The following ZFHX3 variants were observed in gnomAD, a reference collection of about 807,000 sequenced individuals.
ZFHX3 encodes the protein zinc finger homeobox 3, also known as zinc finger homeobox protein 3.
ZFHX3 carries 42 observed loss-of-function variants against 279.1 expected under a neutral mutation model. The ratio of observed to expected loss-of-function variants is 0.15; its 90% CI spans 0.12 to 0.19. The LOEUF (loss-of-function observed/expected upper bound fraction) is 0.19. ZFHX3 is among the 10% of genes least tolerant of loss of function. The pLI is 1.00. For synonymous variants in ZFHX3, 2,293 were observed against 1,957.8 expected (o/e 1.17, Z -4.52); for missense variants, 4,981 against 4,754.0 (o/e 1.05, Z -1.40).
At chr16:73,403,762 C>T (rs1340933760) in intron 3 of ZFHX3, among the ~76,000 whole-genome samples, 1 of 152,170 alleles carries the variant, frequency 6.6e-6, no homozygotes, top group African/African-American at 2.4e-5. Flanking sequence ...GGACAGTGAG[C>T]AGTGTTTGTC....
At chr16:73,545,883 A>G (rs887402564) in intron 2 of ZFHX3, among the ~76,000 whole-genome samples, 1 of 152,158 alleles carries the variant, frequency 6.6e-6, no homozygotes, top group Non-Finnish European at 1.5e-5. Flanking sequence ...ACAACAAGAT[A>G]TTGCAGGGGA....
In ZFHX3 at chr16:73,592,128, G is replaced by A. The variant is rs556188959; in HGVS notation, c.-1547+88052C>T. 3.3e-5 allele frequency among the ~76,000 whole-genome samples: 5 copies of A among 152,216 alleles called. 1 individual carries two copies. Among genetic ancestry groups the A allele is most frequent in the African/African-American group, 1.2e-4 (5 of 41,540 alleles). ...ATGCCTGTAATCCCAGCTACTGGGA[G>A]AGGCCAAGACAGGAGAACTGCTTGA... On this transcript the variant is annotated intron_variant, in intron 2 of 17. Transcript: ENST00000641206.
chr16:73,385,110 C>T (rs554717762), intron 3 of ZFHX3, among the ~76,000 whole-genome samples: 1 of 152,242 alleles, frequency 6.6e-6, no homozygotes, highest in East Asian at 1.9e-4. Context: ...GGGGACAGTT[C>T]CAAGCAACAC....
At chr16:72,865,661 G>A (rs1408584122) in intron 4 of ZFHX3, among the ~76,000 whole-genome samples, 9 of 152,116 alleles carry the variant, frequency 5.9e-5, no homozygotes, top group Non-Finnish European at 1.2e-4. Flanking sequence ...ACCTGTGACT[G>A]GCCAAAGAGG....
chr16:73,428,688 A>T (rs1169006889), intron 3 of ZFHX3, among the ~76,000 whole-genome samples: 5 of 152,070 alleles, frequency 3.3e-5, no homozygotes, highest in Non-Finnish European at 7.4e-5. Flanking sequence ...AGACAGACAG[A>T]GAGATAGAAT....
chr16:72,859,999 C>G (rs1265064448), intron 4 of ZFHX3, among the ~76,000 whole-genome samples: 1 of 152,196 alleles, frequency 6.6e-6, no homozygotes, highest in Non-Finnish European at 1.5e-5. Flanking sequence ...GCAGGCATCT[C>G]CGAAGGGGTG....
intron 4 of ZFHX3, chr16:73,294,037 C>A (rs998787314): frequency 1.4e-5 from 2 of 139,170 alleles, no homozygotes; most frequent in Admixed American, 1.5e-4. Flanking sequence ...TATTGAAACT[C>A]TGAAATATCT....
intron 1 of ZFHX3, among the ~76,000 whole-genome samples, chr16:73,835,011 G>A (rs371519032): frequency 3.9e-5 from 6 of 152,366 alleles, no homozygotes; most frequent in Admixed American, 2.6e-4. Flanking sequence ...TGAAGGAGGA[G>A]AGCGATGGAG....
intron 1 of ZFHX3, among the ~76,000 whole-genome samples, chr16:73,766,314 T>A (rs926216961): frequency 6.6e-6 from 1 of 152,182 alleles, no homozygotes; most frequent in Non-Finnish European, 1.5e-5. Context: ...TATTTTAACT[T>A]AAAATCTCTT....
chr16:72,988,855 T>G (rs887394781), intron 1 of ZFHX3, among the ~76,000 whole-genome samples: 3 of 152,210 alleles, frequency 2.0e-5, no homozygotes, highest in Admixed American at 2.0e-4. Flanking sequence ...GATGGCATCA[T>G]CTTGATGAGG....
intron 3 of ZFHX3, among the ~76,000 whole-genome samples, chr16:72,891,761 T>A (rs2038778213): frequency 6.6e-6 from 1 of 152,184 alleles, no homozygotes; most frequent in Admixed American, 6.5e-5. Flanking sequence ...TTACGTGTCC[T>A]TCCTTTTTTC....
rs1056048930 is a variant in ZFHX3, at chr16:72,783,180, G to T, written c.*3984C>A. The stretch of plus-strand genomic sequence containing the variant: ...TGGTTTCACTTGCTCTATTTTTTTT[G>T]TTGTTTTTTGTTTTTTTTTCTTTTT... On this transcript the variant is annotated 3_prime_UTR_variant, in exon 10 of 10. Transcript: ENST00000268489. The T allele has an allele frequency of 4.6e-5, 7 of 150,794 alleles. No individual in the cohort carries two copies. The highest frequency in any genetic ancestry group is 2.1e-4 in the South Asian group (1 of 4,780). 9.3% of individuals were successfully genotyped at this position (150,794 alleles called of 1,614,324 possible). A position where few individuals can be genotyped will look rare whatever the true frequency, so the allele number is the denominator to read the frequency against.
chr16:73,711,179 C>G (rs1448132818), intron 1 of ZFHX3, among the ~76,000 whole-genome samples: 2 of 152,132 alleles, frequency 1.3e-5, no homozygotes, highest in Non-Finnish European at 2.9e-5. Context: ...AATGCACTCT[C>G]TGTCTGATAT....
intron 4 of ZFHX3, among the ~76,000 whole-genome samples, chr16:72,860,944 T>G (rs530808225): frequency 6.6e-6 from 1 of 152,298 alleles, no homozygotes; most frequent in South Asian, 2.1e-4. Context: ...TGCACAACGG[T>G]GACTTTACAG....
chr16:73,451,379 A>G (rs774713130), intron 3 of ZFHX3, among the ~76,000 whole-genome samples: 25 of 152,240 alleles, frequency 1.6e-4, no homozygotes, highest in Non-Finnish European at 3.4e-4. Flanking sequence ...TGAGGTGACT[A>G]TTAGTGGCAC....
intron 3 of ZFHX3, among the ~76,000 whole-genome samples, chr16:73,421,618 AGAAATTCT>A (rs937686680): frequency 1.0e-3 from 152 of 152,334 alleles, no homozygotes; most frequent in African/African-American, 3.4e-3. Flanking sequence ...AAAAAAGACA[AGAAATTCT>A]AGGCAGGAGA....
chr16:73,639,804 G>C (rs150994464), intron 2 of ZFHX3, among the ~76,000 whole-genome samples: 8 of 152,134 alleles, frequency 5.3e-5, no homozygotes, highest in African/African-American at 1.4e-4. Flanking sequence ...ACAAGGAAAA[G>C]GAAACTGGGA....
At position 72,933,428 on chromosome 16, in the gene ZFHX3, T is replaced by C. The variant is rs540299020; in HGVS notation, c.3216+17041A>G. 7.2e-5 allele frequency among the ~76,000 whole-genome samples: 11 copies of C among 152,158 alleles called. No homozygotes were observed. In the East Asian group the frequency reaches 1.9e-3, roughly 27 times the overall value. ...AGAACATTTCACCATTAGGTTTTAG[T>C]ATTTTACCCTCACATTGCATTATGA... On this transcript the variant is annotated intron_variant, in intron 3 of 9. Coordinates refer to ENST00000268489, the MANE Select transcript of ZFHX3 (RefSeq NM_006885.4).
intron 5 of ZFHX3, among the ~76,000 whole-genome samples, chr16:73,242,430 A>G (rs2013151264): frequency 6.6e-6 from 1 of 152,194 alleles, no homozygotes; most frequent in African/African-American, 2.4e-5. Context: ...ACTTGGTGCT[A>G]CATCAGCCAA....
Sources: gnomAD v4.1 joint callset for allele counts (sites outside exome capture counted in the v4.1 genomes callset) on GRCh38, gnomAD v4.1.1 for gene constraint, MANE v1.5 for transcripts, NCBI Gene and HGNC (gene_info 2026-07-23, HGNC 2026-07-21) for gene names.